Variants in RALGAPA2 observed in about 807,000 individuals in gnomAD.
The protein encoded by RALGAPA2 is ral GTPase-activating protein subunit alpha-2.
In RALGAPA2, 139 loss-of-function variants were observed where a neutral mutation model predicts 230.4. The ratio of observed to expected loss-of-function variants is 0.60; its 90% CI spans 0.53 to 0.69. The LOEUF (loss-of-function observed/expected upper bound fraction) is 0.69, where lower values mean the gene tolerates loss of function less well. Among genes scored for constraint, RALGAPA2 ranks in the 30% least tolerant of loss-of-function variants. The pLI, the probability that RALGAPA2 is intolerant of heterozygous loss-of-function variation, is 0.00. For synonymous variants in RALGAPA2, 847 were observed against 837.8 expected, an observed-to-expected ratio of 1.01 and a Z score of -0.19; for missense variants, 2,163 against 2,276.0, an observed-to-expected ratio of 0.95 and a Z score of 1.01.
intron 38 of RALGAPA2, among the ~76,000 whole-genome samples, chr20:20,407,636 TAGG>T (rs1241258802): frequency 6.6e-6 from 1 of 152,244 alleles, no homozygotes; most frequent in African/African-American, 2.4e-5. Flanking sequence ...TCTGCAGTTT[TAGG>T]AGAAGATTTT....
intron 1 of RALGAPA2, among the ~76,000 whole-genome samples, chr20:20,684,243 G>A (rs906823649): frequency 6.6e-6 from 1 of 152,036 alleles, no homozygotes; most frequent in Non-Finnish European, 1.5e-5. Context: ...TGCAGTGAAC[G>A]TGCCTCAGAA....
intron 8 of RALGAPA2, 113 bp from the exon 9 acceptor site, chr20:20,635,730 A>G (rs1011333738): frequency 1.7e-4 from 155 of 908,486 alleles, no homozygotes; most frequent in Middle Eastern, 2.3e-4. Flanking sequence ...CTAAATAGCA[A>G]CTAAGAATGA....
chr20:20,400,391 G>A (rs933920325), intron 38 of RALGAPA2, among the ~76,000 whole-genome samples: 3 of 152,160 alleles, frequency 2.0e-5, no homozygotes, highest in Admixed American at 6.5e-5. Context: ...AGGGAGGAAG[G>A]GAAAGTGCAT....
At chr20:20,685,719 G>A (rs931940652) in intron 1 of RALGAPA2, among the ~76,000 whole-genome samples, 13 of 152,208 alleles carry the variant, frequency 8.5e-5, no homozygotes, top group African/African-American at 3.1e-4. Flanking sequence ...CCCAAGGTAA[G>A]AAACAGGACT....
chr20:20,422,620 G>A (rs1395509222), intron 37 of RALGAPA2, among the ~76,000 whole-genome samples: 1 of 152,192 alleles, frequency 6.6e-6, no homozygotes, highest in Non-Finnish European at 1.5e-5. Context: ...TGCACACTAT[G>A]TACTGTGAGG....
intron 3 of RALGAPA2, among the ~76,000 whole-genome samples, chr20:20,675,875 T>G (rs752135468): frequency 2.2e-4 from 33 of 152,186 alleles, no homozygotes; most frequent in Non-Finnish European, 4.1e-4. Context: ...ATAACATTTT[T>G]GGGTTTTTAA....
chr20:20,463,904 T>C (rs1043893883), intron 37 of RALGAPA2, among the ~76,000 whole-genome samples: 1 of 152,242 alleles, frequency 6.6e-6, no homozygotes, highest in Non-Finnish European at 1.5e-5. Context: ...TCCACTTTTC[T>C]AACAGCTTTC....
chr20:20,467,672 A>C (rs989085836), intron 37 of RALGAPA2, among the ~76,000 whole-genome samples: 28 of 152,190 alleles, frequency 1.8e-4, no homozygotes, highest in African/African-American at 6.8e-4. Context: ...GATGTGATAG[A>C]GAAGACGGAA....
chr20:20,523,411 C>T (rs1246465159), intron 30 of RALGAPA2, among the ~76,000 whole-genome samples: 1 of 152,072 alleles, frequency 6.6e-6, no homozygotes, highest in African/African-American at 2.4e-5. Context: ...TTTTTTGAGG[C>T]AAAACGATTA....
rs748693160 is a variant in RALGAPA2 at position 20,605,271 on chromosome 20, T to C, written c.1942A>G (p.Thr648Ala). Residue 648 changes from threonine (T) to alanine (A), a missense_variant, in exon 15 of 40, where the codon ACA becomes GCA. By Grantham distance (58) the Thr-to-Ala change is moderately conservative. Coordinates refer to ENST00000202677, the MANE Select transcript of RALGAPA2 (RefSeq NM_020343.4). ...TAAACGGTTCTTGCAAGCACTGCTG[T>C]CAAGGAGTCCATAATGTTGGCCCAC... ...NEWANIMDSL[T>A]AVLARTVYGV... The C allele has an allele frequency of 1.2e-6, 2 of 1,613,878 alleles. No individual in the cohort carries two copies. The highest frequency in any genetic ancestry group is 8.5e-7 in the Non-Finnish European group (1 of 1,179,836).
Position 20,583,226 on chromosome 20 carries a change from C to G in RALGAPA2, c.2531G>C (p.Ser844Thr). Residue 844 changes from serine (S) to threonine (T), a missense_variant and splice_region_variant, in exon 20 of 40, where the codon AGT becomes ACT. Physicochemically the swap from Ser to Thr is moderately conservative, Grantham distance 58. Coordinates refer to ENST00000202677, the MANE Select transcript of RALGAPA2 (RefSeq NM_020343.4). ...AGTTGTGTCACTGTTGGTACTTTCACCTGGTACAATGGAAGAACCAAAGTT... is the reference window on the plus strand; with the variant it reads ...AGTTGTGTCACTGTTGGTACTTTCAGCTGGTACAATGGAAGAACCAAAGTT... ...TQGKCRERQK[S>T]ESTNSDTTLG... The G allele has an allele frequency of 1.9e-6, 3 of 1,592,968 alleles. No homozygotes were observed. In the East Asian group the frequency reaches 6.7e-5, roughly 36 times the overall value.
At chr20:20,566,862 T>C (rs971884727) in intron 23 of RALGAPA2, among the ~76,000 whole-genome samples, 4 of 152,246 alleles carry the variant, frequency 2.6e-5, no homozygotes, top group African/African-American at 4.8e-5. Context: ...TATGCTGTTA[T>C]GATCCAAATA....
chr20:20,511,544 G>A (rs1373469092), intron 32 of RALGAPA2, among the ~76,000 whole-genome samples: 1 of 152,188 alleles, frequency 6.6e-6, no homozygotes, highest in East Asian at 1.9e-4. Flanking sequence ...TGACACAGAT[G>A]GCTCTTTGGT....
intron 3 of RALGAPA2, among the ~76,000 whole-genome samples, chr20:20,668,347 G>C (rs1183931791): frequency 6.6e-6 from 1 of 152,138 alleles, no homozygotes; most frequent in African/African-American, 2.4e-5. Flanking sequence ...AGGTTGCAGT[G>C]AACCAAGATA....
At chr20:20,685,586 C>A (rs895619123) in intron 1 of RALGAPA2, among the ~76,000 whole-genome samples, 1 of 152,092 alleles carries the variant, frequency 6.6e-6, no homozygotes, top group African/African-American at 2.4e-5. Flanking sequence ...TCTGGTCCTG[C>A]GACTCCATAA....
chr20:20,689,479 T>C (rs1264364948), intron 1 of RALGAPA2, among the ~76,000 whole-genome samples: 1 of 152,068 alleles, frequency 6.6e-6, no homozygotes, highest in Non-Finnish European at 1.5e-5. Flanking sequence ...CCGTCTCTAC[T>C]AAAAATACAA....
At chr20:20,513,345 C>T (rs1216495832) in intron 31 of RALGAPA2, 61 bp from the exon 32 acceptor site, 12 of 1,253,908 alleles carry the variant, frequency 9.6e-6, no homozygotes, top group Middle Eastern at 2.0e-4. Flanking sequence ...AAACTCAACA[C>T]CTTTTTTTTG....
rs527933652 is a variant in RALGAPA2, at chr20:20,657,207, G to A, written c.271-3620C>T. ...ATTAGACAGGGGAGCCTCAGACCAC[G>A]AGGCAGAGCTGACAAATCTCTGCCA... On this transcript the variant is annotated intron_variant, in intron 3 of 39. Transcript: ENST00000202677. 3.7e-4 allele frequency among the ~76,000 whole-genome samples: 56 copies of A among 152,220 alleles called. 1 individual carries two copies. The highest frequency in any genetic ancestry group is 2.1e-3 in the Admixed American group (32 of 15,290).
At chr20:20,635,330 A>AT in intron 9 of RALGAPA2, 88 bp downstream of exon 9, 1 of 1,364,956 alleles carries the variant, frequency 7.3e-7, no homozygotes, top group South Asian at 1.3e-5. Context: ...GTAAGAACCA[A>AT]TAACTCTAAC....
Sources: gnomAD v4.1 joint callset for allele counts (sites outside exome capture counted in the v4.1 genomes callset) on GRCh38, gnomAD v4.1.1 for gene constraint, MANE v1.5 for transcripts, NCBI Gene and HGNC (gene_info 2026-07-23, HGNC 2026-07-21) for gene names.